ANKRD2: variants seen among roughly 807,000 people sequenced by gnomAD.
ANKRD2 encodes ankyrin repeat domain 2.
Under a neutral mutation model 37.3 loss-of-function variants are expected in ANKRD2, and 35 were observed. The ratio of observed to expected loss-of-function variants is 0.94; its 90% CI spans 0.72 to 1.24. The LOEUF (loss-of-function observed/expected upper bound fraction) is 1.24, where lower values mean the gene tolerates loss of function less well. Ranked by LOEUF, ANKRD2 falls within the 50% of genes most tolerant of loss-of-function variation. The probability of loss-of-function intolerance (pLI) is 0.00; values close to 1 mark genes in which losing one functional copy is unlikely to be tolerated. For missense variants in ANKRD2, 410 were observed against 445.6 expected, an observed-to-expected ratio of 0.92 and a Z score of 0.72; for synonymous variants, 159 against 186.5, an observed-to-expected ratio of 0.85 and a Z score of 1.20.
chr10:97,580,159 C>CA (rs576491737), intron 4 of ANKRD2, among the ~76,000 whole-genome samples: 241 of 151,670 alleles, frequency 1.6e-3, no homozygotes, highest in Non-Finnish European at 2.7e-3. Context: ...TGCCAGAATA[C>CA]AAAAAAACAA....
chr10:97,580,680 G>A lies in ANKRD2; in HGVS notation c.457-175G>A, dbSNP rs12569448. Among the ~76,000 whole-genome samples, 20 of 152,284 alleles carry A rather than the reference G, an allele frequency of 1.3e-4. No homozygotes were observed. The East Asian group carries it at 3.3e-3, about 25-fold the overall frequency. ...GAAGGTCGGGTTCCCTGGGGCAGAG[G>A]GCTCCCAGGCTGGTCTGGATAGAGC... On this transcript the variant is annotated intron_variant, in intron 4 of 8. Coordinates refer to ENST00000370655, the MANE Select transcript of ANKRD2 (RefSeq NM_001346793.2).
chr10:97,583,575 G>A lies in ANKRD2; in HGVS notation c.853-1G>A. 1 of 1,600,604 alleles carries A rather than the reference G, an allele frequency of 6.2e-7. No individual in the cohort carries two copies. The highest frequency in any genetic ancestry group is 8.5e-7 in the Non-Finnish European group (1 of 1,174,504). Reference sequence around the variant, plus strand: ...CCCACGCCCCGTCCCGCCCCCTCCAGGCAGGAAAGACCCCGACGGACCTGG... The same window carrying A: ...CCCACGCCCCGTCCCGCCCCCTCCAAGCAGGAAAGACCCCGACGGACCTGG... On this transcript the variant is annotated splice_acceptor_variant, in intron 8 of 8. Coordinates refer to ENST00000370655, the MANE Select transcript of ANKRD2 (RefSeq NM_001346793.2). LOFTEE classifies it high-confidence loss of function.
intron 1 of ANKRD2, among the ~76,000 whole-genome samples, chr10:97,575,336 G>A (rs1336997903): frequency 6.6e-6 from 1 of 152,200 alleles, no homozygotes; most frequent in Non-Finnish European, 1.5e-5. Flanking sequence ...TTCCACTGTG[G>A]CGAGTTTACT....
intron 8 of ANKRD2, 81 bp from the exon 9 acceptor site, chr10:97,583,495 A>G (rs1373465173): frequency 3.0e-6 from 4 of 1,349,896 alleles, no homozygotes; most frequent in Non-Finnish European, 4.0e-6. Flanking sequence ...GGTGTCAATG[A>G]GGGTACCTTC....
intron 4 of ANKRD2, among the ~76,000 whole-genome samples, chr10:97,578,866 C>A (rs1408081615): frequency 6.6e-6 from 1 of 152,212 alleles, no homozygotes; most frequent in African/African-American, 2.4e-5. Context: ...AAAATAGAAT[C>A]AAATAAAAAC....
chr10:97,575,904 C>T (rs1422213290), intron 1 of ANKRD2, among the ~76,000 whole-genome samples: 3 of 118,890 alleles, frequency 2.5e-5, no homozygotes, highest in South Asian at 2.7e-4. Context: ...GAGTGGGACT[C>T]GGTCTCAAAA....
chr10:97,583,242 A>T (rs2040926133), intron 8 of ANKRD2, among the ~76,000 whole-genome samples: 1 of 152,212 alleles, frequency 6.6e-6, no homozygotes, highest in Non-Finnish European at 1.5e-5. Flanking sequence ...AGAAAGGCTA[A>T]AGGGATAATG....
At chr10:97,582,770 T>A in intron 8 of ANKRD2, 68 bp downstream of exon 8, 1 of 1,454,316 alleles carries the variant, frequency 6.9e-7, no homozygotes, top group East Asian at 2.3e-5. Flanking sequence ...GCTGTCCTGG[T>A]CCCTGGAGCA....
intron 6 of ANKRD2, 105 bp downstream of exon 6, chr10:97,581,519 G>C (rs2040898717): frequency 8.6e-7 from 1 of 1,164,882 alleles, no homozygotes; most frequent in Non-Finnish European, 1.2e-6. Context: ...TAGTGAGCTA[G>C]TCTGGTTTCT....
At chr10:97,574,228 A>T (rs2040794922) in intron 1 of ANKRD2, among the ~76,000 whole-genome samples, 1 of 151,790 alleles carries the variant, frequency 6.6e-6, no homozygotes, top group Non-Finnish European at 1.5e-5. Context: ...GGTTGCAGTA[A>T]GCCGAGATCG....
At chr10:97,578,895 G>A (rs2040862903) in intron 4 of ANKRD2, among the ~76,000 whole-genome samples, 2 of 152,342 alleles carry the variant, frequency 1.3e-5, no homozygotes, top group South Asian at 4.2e-4. Flanking sequence ...ACCAGAAGAT[G>A]TGGGCTCAAA....
chr10:97,578,853 A>G (rs1481512641), intron 4 of ANKRD2, among the ~76,000 whole-genome samples: 1 of 152,210 alleles, frequency 6.6e-6, no homozygotes, highest in Non-Finnish European at 1.5e-5. Flanking sequence ...TAGGAAAGAA[A>G]GAAAAATAGA....
At position 97,577,901 on chromosome 10, in the gene ANKRD2, GGT is replaced by G; in HGVS notation, c.189+1_189+2del. 6.4e-7 allele frequency: 1 copy of G among 1,557,132 alleles called. No individual in the cohort carries two copies. Among genetic ancestry groups the G allele is most frequent in the South Asian group, 1.2e-5 (1 of 84,262 alleles). On this transcript the variant is annotated splice_donor_variant, in intron 2 of 8. Transcript: ENST00000370655. LOFTEE classifies it high-confidence loss of function. Reference sequence around the variant, plus strand: ...AGAGTGCAGCCCTGCAGAAGGTGAAGGTAAGCCTGGGAGGATCCAATGTCTGC... The same window carrying G: ...AGAGTGCAGCCCTGCAGAAGGTGAAGAAGCCTGGGAGGATCCAATGTCTGC...
intron 1 of ANKRD2, among the ~76,000 whole-genome samples, chr10:97,575,344 A>C (rs2040814058): frequency 6.6e-6 from 1 of 152,176 alleles, no homozygotes; most frequent in Admixed American, 6.5e-5. Context: ...TGGCGAGTTT[A>C]CTGGGTTAGG....
intron 2 of ANKRD2, 77 bp from the exon 3 acceptor site, chr10:97,578,163 C>T (rs2040848676): frequency 2.2e-6 from 3 of 1,370,448 alleles, no homozygotes; most frequent in African/African-American, 1.5e-5. Context: ...ACCCTCCCCA[C>T]CAGCTTAGCT....
chr10:97,579,790 G>T (rs911008437), intron 4 of ANKRD2, among the ~76,000 whole-genome samples: 1 of 152,072 alleles, frequency 6.6e-6, no homozygotes, highest in South Asian at 2.1e-4. Flanking sequence ...GTTTCAACAT[G>T]TTGGCCCTTG....
chr10:97,572,620 C>G, upstream of ANKRD2: 3 of 1,460,278 alleles, frequency 2.1e-6, no homozygotes, highest in South Asian at 4.1e-5. Context: ...GCTCTGCTCC[C>G]TGGCCCTGGC....
rs751453940 is a variant in ANKRD2 at position 97,581,299 on chromosome 10, C to A, written c.556-17C>A. 2.5e-6 allele frequency: 4 copies of A among 1,611,650 alleles called. No homozygotes were observed. In the South Asian group the frequency reaches 4.4e-5, roughly 18 times the overall value. On this transcript the variant is annotated splice_polypyrimidine_tract_variant and intron_variant, in intron 5 of 8. Coordinates refer to ENST00000370655, the MANE Select transcript of ANKRD2 (RefSeq NM_001346793.2). ...TTCCCTGCAGCTCTGTAGTTAGACC[C>A]CCTCATTTCTTTCTAGCTGGACTGC... is the stretch of plus-strand genomic sequence containing the variant.
chr10:97,579,696 T>G (rs2040872652), intron 4 of ANKRD2, among the ~76,000 whole-genome samples: 1 of 152,058 alleles, frequency 6.6e-6, no homozygotes, highest in Non-Finnish European at 1.5e-5. Flanking sequence ...CAAGTGATTC[T>G]CCTGCCTCAG....
Sources: allele counts gnomAD v4.1 joint callset (sites outside exome capture counted in the v4.1 genomes callset), GRCh38; gene constraint gnomAD v4.1.1; transcripts MANE v1.5; gene names NCBI Gene and HGNC (gene_info 2026-07-23, HGNC 2026-07-21).